Variants in EYA4 observed in about 807,000 individuals in gnomAD.
The protein encoded by EYA4 is protein phosphatase EYA4.
EYA4 carries 31 observed loss-of-function variants against 87.9 expected under a neutral mutation model. That is an observed-to-expected ratio of 0.35 (90% CI 0.27 to 0.48). The LOEUF (loss-of-function observed/expected upper bound fraction) is 0.48, where lower values mean the gene tolerates loss of function less well. Ranked by LOEUF, EYA4 falls within the 20% of genes least tolerant of loss-of-function variation. EYA4 has a pLI of 0.99. For synonymous variants in EYA4, 263 were observed against 270.6 expected, an observed-to-expected ratio of 0.97 and a Z score of 0.28; for missense variants, 678 against 761.4, an observed-to-expected ratio of 0.89 and a Z score of 1.29.
chr6:133,395,231 A>ATTTT (rs11399757), intron 3 of EYA4, among the ~76,000 whole-genome samples: 1 of 142,800 alleles, frequency 7.0e-6, no homozygotes, highest in Non-Finnish European at 1.5e-5. Context: ...TCACTTAGGG[A>ATTTT]TTTTTTTTTT....
intron 1 of EYA4, among the ~76,000 whole-genome samples, chr6:133,270,662 A>C (rs1013374398): frequency 2.6e-5 from 4 of 151,880 alleles, no homozygotes. Context: ...AGTGACCCAA[A>C]CCTTCATTCC....
At position 133,433,813 on chromosome 6, in the gene EYA4, C is replaced by T. The variant is rs146553026; in HGVS notation, c.84-12817C>T. On this transcript the variant is annotated intron_variant, in intron 3 of 19. Transcript: ENST00000355286. The stretch of plus-strand genomic sequence containing the variant: ...AACAAGATGGCATTTAGGAGAAACA[C>T]ATGAAAAGCTGTTCACTCGGGTCCC... Among the ~76,000 whole-genome samples the T allele has an allele frequency of 3.9e-3, 598 of 152,306 alleles. 2 individuals are homozygous for T. The highest frequency in any genetic ancestry group is 6.8e-3 in the Middle Eastern group (2 of 294).
chr6:133,436,236 A>T (rs995416038), intron 3 of EYA4, among the ~76,000 whole-genome samples: 22 of 152,194 alleles, frequency 1.4e-4, no homozygotes, highest in African/African-American at 4.8e-4. Flanking sequence ...AAAAAAAAAA[A>T]AAGAAATTTC....
intron 3 of EYA4, among the ~76,000 whole-genome samples, chr6:133,387,828 C>A (rs1244594990): frequency 1.3e-5 from 2 of 152,160 alleles, no homozygotes; most frequent in Non-Finnish European, 2.9e-5. Context: ...AGTCTGGCCT[C>A]ATGTGGATGC....
intron 2 of EYA4, chr6:133,325,509 G>A (rs1781432920): frequency 6.6e-6 from 1 of 152,116 alleles, no homozygotes; most frequent in Non-Finnish European, 1.5e-5. Context: ...GTTAGTATCA[G>A]CATTATTATT....
intron 3 of EYA4, among the ~76,000 whole-genome samples, chr6:133,383,056 G>C (rs1786371010): frequency 6.6e-6 from 1 of 152,086 alleles, no homozygotes; most frequent in South Asian, 2.1e-4. Context: ...TCAAAGTCCA[G>C]GCTGCAATTT....
chr6:133,385,973 A>G (rs928541358), intron 3 of EYA4, among the ~76,000 whole-genome samples: 3 of 152,190 alleles, frequency 2.0e-5, no homozygotes, highest in Non-Finnish European at 4.4e-5. Context: ...TCCTAAAGCT[A>G]CTAAACTTGA....
intron 2 of EYA4, among the ~76,000 whole-genome samples, chr6:133,326,668 T>C (rs576956500): frequency 1.3e-5 from 2 of 152,348 alleles, no homozygotes; most frequent in East Asian, 1.9e-4. Context: ...TTTCTTCCTC[T>C]GCAGGGAGTG....
intron 10 of EYA4, among the ~76,000 whole-genome samples, chr6:133,465,544 C>A (rs1014482829): frequency 1.3e-5 from 2 of 152,026 alleles, no homozygotes; most frequent in African/African-American, 4.8e-5. Flanking sequence ...GTGAATGTCC[C>A]TGAATAAGTA....
At chr6:133,373,160 G>T (rs561304116) in intron 2 of EYA4, among the ~76,000 whole-genome samples, 1 of 152,058 alleles carries the variant, frequency 6.6e-6, no homozygotes, top group African/African-American at 2.4e-5. Context: ...TTTTATGTTT[G>T]GAAACATATG....
chr6:133,267,696 A>G (rs1013825625), intron 1 of EYA4, among the ~76,000 whole-genome samples: 8 of 152,056 alleles, frequency 5.3e-5, no homozygotes, highest in African/African-American at 1.9e-4. Flanking sequence ...CATCATTTTT[A>G]TAATTACTTT....
intron 2 of EYA4, among the ~76,000 whole-genome samples, chr6:133,366,192 A>T (rs1428501212): frequency 6.6e-6 from 1 of 152,116 alleles, no homozygotes; most frequent in East Asian, 1.9e-4. Flanking sequence ...TTAGATATAG[A>T]GTTTGTGGAA....
intron 1 of EYA4, chr6:133,248,317 A>G (rs984569281): frequency 6.6e-6 from 1 of 152,214 alleles, no homozygotes; most frequent in Non-Finnish European, 1.5e-5. Context: ...AAAGACTACA[A>G]TTAAATCATA....
intron 13 of EYA4, among the ~76,000 whole-genome samples, chr6:133,504,167 C>G (rs1798384726): frequency 6.6e-6 from 1 of 152,214 alleles, no homozygotes; most frequent in Non-Finnish European, 1.5e-5. Context: ...GTCTGCCTGC[C>G]TCAGCCTCCC....
intron 10 of EYA4, among the ~76,000 whole-genome samples, chr6:133,465,290 G>C (rs945816855): frequency 6.6e-6 from 1 of 152,090 alleles, no homozygotes; most frequent in Non-Finnish European, 1.5e-5. Flanking sequence ...GTCCTAAAAA[G>C]TGTCCTTTGT....
chr6:133,367,654 G>T (rs1475775761), intron 2 of EYA4, among the ~76,000 whole-genome samples: 3 of 152,124 alleles, frequency 2.0e-5, no homozygotes, highest in Admixed American at 6.5e-5. Flanking sequence ...TAGAGGTTTT[G>T]GAGGTCAGGG....
chr6:133,315,021 C>T (rs764944903), intron 2 of EYA4, among the ~76,000 whole-genome samples: 41 of 152,096 alleles, frequency 2.7e-4, no homozygotes, highest in Non-Finnish European at 5.6e-4. Flanking sequence ...TAAACTGTTG[C>T]GTCTCCCCAG....
In EYA4 at chr6:133,484,428, G is replaced by A. The variant is rs1796514808; in HGVS notation, c.1191+1313G>A. On this transcript the variant is annotated intron_variant, in intron 13 of 19. Transcript: ENST00000355286. The stretch of plus-strand genomic sequence containing the variant: ...CTAGTCTTCCTAAATTACACTTTGG[G>A]TGAATCTGCATTGTCATTTGGTTTT... 4.6e-5 allele frequency among the ~76,000 whole-genome samples: 7 copies of A among 152,268 alleles called. No individual in the cohort carries two copies. The South Asian group carries it at 1.4e-3, about 32-fold the overall frequency.
rs546389994 is a variant in EYA4, at chr6:133,381,465, C to G, written c.34-927C>G. ...ACTGTTCATATTGCAATTCACATTG[C>G]ACACATGTTCCTCATGGTATATATT... On this transcript the variant is annotated intron_variant, in intron 2 of 19. Coordinates refer to ENST00000355286, the MANE Select transcript of EYA4 (RefSeq NM_004100.5). 2.6e-5 allele frequency among the ~76,000 whole-genome samples: 4 copies of G among 152,202 alleles called. No homozygotes were observed. In the East Asian group the frequency reaches 7.7e-4, roughly 29 times the overall value.
Sources: gnomAD v4.1 joint callset for allele counts (sites outside exome capture counted in the v4.1 genomes callset) on GRCh38, gnomAD v4.1.1 for gene constraint, MANE v1.5 for transcripts, NCBI Gene and HGNC (gene_info 2026-07-23, HGNC 2026-07-21) for gene names.